The following LRP1B variants were observed in gnomAD, a reference collection of about 807,000 sequenced individuals.
LRP1B encodes LDL receptor related protein 1B.
Under a neutral mutation model 556.6 loss-of-function variants are expected in LRP1B, and 217 were observed. That is an observed-to-expected ratio of 0.39 (90% CI 0.35 to 0.44). The LOEUF (loss-of-function observed/expected upper bound fraction) is 0.44, where lower values mean the gene tolerates loss of function less well. Among genes scored for constraint, LRP1B ranks in the 20% least tolerant of loss-of-function variants. LRP1B has a pLI of 1.00. For missense variants in LRP1B, 5,053 were observed against 5,620.8 expected, an observed-to-expected ratio of 0.90 and a Z score of 3.23; for synonymous variants, 2,047 against 1,865.8, an observed-to-expected ratio of 1.10 and a Z score of -2.50.
At chr2:140,516,206 T>C (rs1295018249) in intron 50 of LRP1B, among the ~76,000 whole-genome samples, 2 of 152,068 alleles carry the variant, frequency 1.3e-5, no homozygotes, top group African/African-American at 4.8e-5. Flanking sequence ...TCTCCACATC[T>C]GTGCCTTTAA....
chr2:141,604,434 G>T lies in LRP1B; in HGVS notation c.206-123901C>A, dbSNP rs1000841824. ...AGAGGCAGGAGACAGACAAATCCTA[G>T]GCAGAGAGGGGTGGGTCTCCAGTGA... On this transcript the variant is annotated intron_variant, in intron 2 of 90. Transcript: ENST00000389484. 2.0e-5 allele frequency among the ~76,000 whole-genome samples: 3 copies of T among 152,012 alleles called. No homozygotes were observed. In the South Asian group the frequency reaches 6.2e-4, roughly 32 times the overall value.
At chr2:141,014,791 C>T (rs141124252) in intron 13 of LRP1B, among the ~76,000 whole-genome samples, 3 of 152,104 alleles carry the variant, frequency 2.0e-5, no homozygotes, top group Admixed American at 2.0e-4. Context: ...TTATCTAGCA[C>T]CTGTTAAGTG....
intron 1 of LRP1B, among the ~76,000 whole-genome samples, chr2:142,097,966 T>C (rs1706434379): frequency 6.6e-6 from 1 of 151,744 alleles, no homozygotes; most frequent in African/African-American, 2.4e-5. Context: ...ACAAGTCTCC[T>C]CTGAAAATGA....
At chr2:141,827,066 TATAA>T (rs1376379313) in intron 1 of LRP1B, among the ~76,000 whole-genome samples, 1 of 152,228 alleles carries the variant, frequency 6.6e-6, no homozygotes, top group African/African-American at 2.4e-5. Context: ...GTGCCTGTCA[TATAA>T]ATAATCTTTT....
At chr2:141,456,341 C>T (rs1347539444) in intron 3 of LRP1B, among the ~76,000 whole-genome samples, 1 of 152,172 alleles carries the variant, frequency 6.6e-6, no homozygotes, top group East Asian at 1.9e-4. Flanking sequence ...TATTTAAATA[C>T]TCAGAGTGGT....
At position 141,041,679 on chromosome 2, in the gene LRP1B, G is replaced by C. The variant is rs546486693; in HGVS notation, c.1789+7307C>G. On this transcript the variant is annotated intron_variant, in intron 11 of 90. Transcript: ENST00000389484. ...AGTGTTCTCTAGCACTGCAAGGAGT[G>C]AATATGGTTAACACTAATTTGGTGT... Among the ~76,000 whole-genome samples, 10 of 152,198 alleles carry C rather than the reference G, an allele frequency of 6.6e-5. No homozygotes were observed. The South Asian group carries it at 2.1e-3, about 32-fold the overall frequency.
chr2:141,129,584 C>T (rs566881348), intron 7 of LRP1B, among the ~76,000 whole-genome samples: 7 of 126,130 alleles, frequency 5.5e-5, no homozygotes, highest in African/African-American at 1.5e-4. Flanking sequence ...GGGGGAGGGG[C>T]GGGGGGTGAA....
chr2:141,011,038 T>A (rs1026678794), intron 14 of LRP1B, among the ~76,000 whole-genome samples: 1 of 148,338 alleles, frequency 6.7e-6, no homozygotes, highest in Non-Finnish European at 1.5e-5. Context: ...TTTTTATATA[T>A]ATATAAATAA....
chr2:140,650,101 A>G lies in LRP1B; in HGVS notation c.6800-48462T>C, dbSNP rs376870395. 2.8e-3 allele frequency among the ~76,000 whole-genome samples: 430 copies of G among 152,026 alleles called. 4 individuals carry two copies. The highest frequency in any genetic ancestry group is 0.021 in the South Asian group (100 of 4,832). On this transcript the variant is annotated intron_variant, in intron 41 of 90. Coordinates refer to ENST00000389484, the MANE Select transcript of LRP1B (RefSeq NM_018557.3). The stretch of plus-strand genomic sequence containing the variant: ...AAAAGTAAGCTACACGAAAGAGACA[A>G]TTTTTCTTAGTGCAAATATAAAGTT...
intron 11 of LRP1B, among the ~76,000 whole-genome samples, chr2:141,035,766 G>A (rs926814340): frequency 1.3e-5 from 2 of 151,952 alleles, no homozygotes; most frequent in African/African-American, 4.8e-5. Flanking sequence ...AATACAAAAT[G>A]AGCTTATTGA....
At chr2:141,262,109 AT>A (rs1282752606) in intron 3 of LRP1B, among the ~76,000 whole-genome samples, 1 of 151,820 alleles carries the variant, frequency 6.6e-6, no homozygotes, top group African/African-American at 2.4e-5. Context: ...AGTGGTAGCT[AT>A]TGTACAATTA....
chr2:141,096,629 GGAGAGAGAGAGAGAGAGAGA>G (rs756327718), intron 7 of LRP1B, among the ~76,000 whole-genome samples: 14 of 59,740 alleles, frequency 2.3e-4, no homozygotes, highest in East Asian at 5.0e-4. Flanking sequence ...GGGGAGAGGG[GGAGAGAGAGAGAGAGAGAGA>G]GAGAGAGAGA....
intron 83 of LRP1B, among the ~76,000 whole-genome samples, chr2:140,302,577 G>A (rs1683881423): frequency 6.6e-6 from 1 of 152,164 alleles, no homozygotes; most frequent in Admixed American, 6.6e-5. Context: ...ACTTCTGAGT[G>A]TGTCTGTAGA....
At chr2:140,459,201 A>G (rs747997656) in intron 60 of LRP1B, among the ~76,000 whole-genome samples, 10 of 151,352 alleles carry the variant, frequency 6.6e-5, no homozygotes, top group Non-Finnish European at 8.9e-5. Context: ...TGAGCTATTT[A>G]TATAAACTAT....
At chr2:140,308,317 G>C (rs1231384970) in intron 83 of LRP1B, among the ~76,000 whole-genome samples, 3 of 151,512 alleles carry the variant, frequency 2.0e-5, no homozygotes, top group Non-Finnish European at 4.4e-5. Context: ...TCTAATATTG[G>C]ACAGTTATGT....
At chr2:141,503,090 C>T (rs1683785433) in intron 2 of LRP1B, among the ~76,000 whole-genome samples, 1 of 149,048 alleles carries the variant, frequency 6.7e-6, no homozygotes, top group South Asian at 2.1e-4. Flanking sequence ...TCAATTGTCA[C>T]TTTTATCTCA....
intron 1 of LRP1B, among the ~76,000 whole-genome samples, chr2:141,928,993 G>A (rs1700413811): frequency 6.6e-6 from 1 of 152,082 alleles, no homozygotes. Context: ...TTCCTGTTGA[G>A]AAATAGACAG....
chr2:141,668,382 C>G (rs1251193208), intron 2 of LRP1B, among the ~76,000 whole-genome samples: 2 of 152,114 alleles, frequency 1.3e-5, no homozygotes, highest in Non-Finnish European at 2.9e-5. Flanking sequence ...TTTTTGTGGC[C>G]AAATGTTGCC....
At chr2:141,701,400 A>G (rs1215962028) in intron 2 of LRP1B, among the ~76,000 whole-genome samples, 1 of 151,846 alleles carries the variant, frequency 6.6e-6, no homozygotes, top group African/African-American at 2.4e-5. Flanking sequence ...ACTCCTAAGC[A>G]TCACAAGAAC....
Sources: gnomAD v4.1 joint callset for allele counts (sites outside exome capture counted in the v4.1 genomes callset) on GRCh38, gnomAD v4.1.1 for gene constraint, MANE v1.5 for transcripts, NCBI Gene and HGNC (gene_info 2026-07-23, HGNC 2026-07-21) for gene names.